HDAC9: variants seen among roughly 807,000 people sequenced by gnomAD.
The protein encoded by HDAC9 is MEF-2 interacting transcription repressor (MITR) protein.
Under a neutral mutation model 139.4 loss-of-function variants are expected in HDAC9, and 41 were observed. The ratio of observed to expected loss-of-function variants is 0.29; its 90% CI spans 0.23 to 0.38. HDAC9 has a LOEUF of 0.38. Among genes scored for constraint, HDAC9 ranks in the 10% least tolerant of loss-of-function variants. The pLI is 1.00. For missense variants in HDAC9, 1,147 were observed against 1,297.0 expected, an observed-to-expected ratio of 0.88 and a Z score of 1.78; for synonymous variants, 517 against 476.2, an observed-to-expected ratio of 1.09 and a Z score of -1.12.
chr7:18,740,435 T>G (rs1207951160), intron 13 of HDAC9, among the ~76,000 whole-genome samples: 1 of 152,192 alleles, frequency 6.6e-6, no homozygotes, highest in African/African-American at 2.4e-5. Context: ...TATAGTACTC[T>G]TGTAATTGTT....
At chr7:18,712,285 A>T (rs1009867735) in intron 12 of HDAC9, among the ~76,000 whole-genome samples, 11 of 152,070 alleles carry the variant, frequency 7.2e-5, no homozygotes, top group African/African-American at 2.7e-4. Context: ...TTTCTCTTTC[A>T]TCAGCGGCAA....
At chr7:18,940,823 C>G (rs2129314416) in intron 23 of HDAC9, among the ~76,000 whole-genome samples, 1 of 152,222 alleles carries the variant, frequency 6.6e-6, no homozygotes, top group Non-Finnish European at 1.5e-5. Context: ...GTGAGAAAAG[C>G]TTTAAGCAGT....
At chr7:18,236,443 G>A (rs534118859) in intron 2 of HDAC9, among the ~76,000 whole-genome samples, 1 of 152,222 alleles carries the variant, frequency 6.6e-6, no homozygotes, top group Non-Finnish European at 1.5e-5. Flanking sequence ...AAGTAACTGA[G>A]TAGTCACTAA....
intron 24 of HDAC9, among the ~76,000 whole-genome samples, chr7:18,963,177 A>C (rs1489014477): frequency 1.3e-5 from 2 of 152,224 alleles, no homozygotes; most frequent in Non-Finnish European, 2.9e-5. Context: ...ACATAAGCTG[A>C]AATTTAATAA....
rs146273868 is a variant in HDAC9 at position 18,787,966 on chromosome 7, C to T, written c.2215-5379C>T. 1.1e-3 allele frequency among the ~76,000 whole-genome samples: 170 copies of T among 152,242 alleles called. 1 individual carries two copies. The highest frequency in any genetic ancestry group is 4.0e-3 in the African/African-American group (166 of 41,534). On this transcript the variant is annotated intron_variant, in intron 16 of 25. Transcript: ENST00000686413. ...TTAATGTCTTTAGGTAATTGCTTAG[C>T]CTCTCAGATTCCTCTTTGAAGATGG... is the stretch of plus-strand genomic sequence containing the variant.
chr7:18,591,652 G>T lies in HDAC9; in HGVS notation c.542+10G>T. 2 of 1,612,102 alleles carry T rather than the reference G, an allele frequency of 1.2e-6. No homozygotes were observed. The highest frequency in any genetic ancestry group is 1.7e-6 in the Non-Finnish European group (2 of 1,178,826). ...CCAAGCTCTGGTACACGTATGTTCA[G>T]TGTTTGGCTGTTTTCATTCCTGGGG... On this transcript the variant is annotated intron_variant, in intron 5 of 25. Coordinates refer to ENST00000686413, the MANE Select transcript of HDAC9 (RefSeq NM_178425.4).
chr7:18,680,626 T>C (rs1781829910), intron 12 of HDAC9, among the ~76,000 whole-genome samples: 1 of 152,026 alleles, frequency 6.6e-6, no homozygotes, highest in Non-Finnish European at 1.5e-5. Context: ...TACTGTATAT[T>C]TTTTAATGGT....
chr7:18,772,600 C>G (rs1006636354), intron 16 of HDAC9, among the ~76,000 whole-genome samples: 2 of 151,998 alleles, frequency 1.3e-5, no homozygotes, highest in Non-Finnish European at 2.9e-5. Flanking sequence ...CTGTTGCTAT[C>G]AAAGAGGTAT....
chr7:18,896,457 C>T (rs1290699360), intron 22 of HDAC9, among the ~76,000 whole-genome samples: 1 of 152,042 alleles, frequency 6.6e-6, no homozygotes, highest in Non-Finnish European at 1.5e-5. Context: ...GAATGTCTGG[C>T]ACCACATAAC....
chr7:18,592,237 C>G (rs928820121), intron 5 of HDAC9, among the ~76,000 whole-genome samples: 5 of 152,008 alleles, frequency 3.3e-5, no homozygotes, highest in Admixed American at 3.3e-4. Flanking sequence ...ATAGTTTACC[C>G]CTGCCCACCT....
chr7:18,996,091 G>T lies in HDAC9; in HGVS notation c.*29G>T, dbSNP rs1211583520. On this transcript the variant is annotated 3_prime_UTR_variant, in exon 26 of 26. Transcript: ENST00000686413. Reference sequence around the variant, plus strand: ...GCCAAGTCCCCCTCTGATATTTCCTGTGTGTGACATCATTGTGTATCCCCC... The same window carrying T: ...GCCAAGTCCCCCTCTGATATTTCCTTTGTGTGACATCATTGTGTATCCCCC... 1.3e-6 allele frequency: 2 copies of T among 1,565,174 alleles called. No homozygotes were observed. Among genetic ancestry groups the T allele is most frequent in the Non-Finnish European group, 1.7e-6 (2 of 1,143,094 alleles).
chr7:18,928,881 A>C (rs1804472778), intron 22 of HDAC9, among the ~76,000 whole-genome samples: 1 of 151,892 alleles, frequency 6.6e-6, no homozygotes, highest in Non-Finnish European at 1.5e-5. Context: ...CACAACATAG[A>C]GCCTGTTTAT....
intron 16 of HDAC9, among the ~76,000 whole-genome samples, chr7:18,786,519 A>C (rs1229674053): frequency 2.1e-5 from 2 of 93,118 alleles, no homozygotes; most frequent in African/African-American, 6.7e-5. Flanking sequence ...TCTCTCATGT[A>C]CTTTTTGCTC....
intron 6 of HDAC9, among the ~76,000 whole-genome samples, chr7:18,618,903 A>G (rs1439449591): frequency 6.6e-6 from 1 of 151,700 alleles, no homozygotes; most frequent in Non-Finnish European, 1.5e-5. Flanking sequence ...TTATTTGTGA[A>G]ATACCAATTC....
intron 25 of HDAC9, among the ~76,000 whole-genome samples, chr7:18,978,126 C>G (rs1453354985): frequency 6.6e-6 from 1 of 152,042 alleles, no homozygotes; most frequent in East Asian, 1.9e-4. Flanking sequence ...ATTATAAGCA[C>G]ACAGGAAATT....
intron 1 of HDAC9, among the ~76,000 whole-genome samples, chr7:18,138,219 G>T (rs1481039306): frequency 1.3e-5 from 2 of 151,928 alleles, no homozygotes; most frequent in African/African-American, 4.8e-5. Flanking sequence ...AGTCTTGCTA[G>T]TGGTCTATCA....
At chr7:18,289,348 C>A (rs548305852), upstream of HDAC9, among the ~76,000 whole-genome samples, 3 of 152,196 alleles carry the variant, frequency 2.0e-5, no homozygotes, top group Admixed American at 6.5e-5. Context: ...TTTTTCCTTT[C>A]TTTATTTTAT....
At chr7:18,957,637 T>TA (rs1388081377) in intron 24 of HDAC9, among the ~76,000 whole-genome samples, 31 of 152,206 alleles carry the variant, frequency 2.0e-4, no homozygotes, top group Non-Finnish European at 4.0e-4. Context: ...TTCTGGAGGG[T>TA]AACAGCAAAG....
intron 19 of HDAC9, among the ~76,000 whole-genome samples, chr7:18,830,291 C>G (rs772952757): frequency 4.6e-5 from 7 of 152,134 alleles, no homozygotes; most frequent in Non-Finnish European, 8.8e-5. Flanking sequence ...TTTATGAGCC[C>G]CGTTTTCAGT....
Sources: gnomAD v4.1 joint callset for allele counts (sites outside exome capture counted in the v4.1 genomes callset) on GRCh38, gnomAD v4.1.1 for gene constraint, MANE v1.5 for transcripts, NCBI Gene and HGNC (gene_info 2026-07-23, HGNC 2026-07-21) for gene names.